The following GNAO1 variants were observed in gnomAD, a reference collection of about 807,000 sequenced individuals.
GNAO1 encodes the protein G protein subunit alpha o1.
For synonymous variants in GNAO1, 164 were observed against 180.7 expected (o/e 0.91, Z 0.74); for missense variants, 166 against 478.7 (o/e 0.35, Z 6.10).
At chr16:56,208,782 G>A (rs1408170372) in intron 2 of GNAO1, among the ~76,000 whole-genome samples, 1 of 152,066 alleles carries the variant, frequency 6.6e-6, no homozygotes. Flanking sequence ...TTCCTCTTTT[G>A]TGAGGTACCT....
intron 3 of GNAO1, among the ~76,000 whole-genome samples, chr16:56,282,851 G>A (rs1240841231): frequency 1.3e-5 from 2 of 152,224 alleles, no homozygotes; most frequent in African/African-American, 2.4e-5. Flanking sequence ...TAAGGAGCAA[G>A]CCTTTGTCTA....
chr16:56,194,254 G>A (rs1220823490), intron 2 of GNAO1: 1 of 456,624 alleles, frequency 2.2e-6, no homozygotes, highest in South Asian at 1.5e-5. Flanking sequence ...TTGAGCTTGT[G>A]CAACCCAAAT....
intron 2 of GNAO1, among the ~76,000 whole-genome samples, chr16:56,242,023 A>G (rs1373367221): frequency 6.6e-6 from 1 of 152,212 alleles, no homozygotes; most frequent in Non-Finnish European, 1.5e-5. Flanking sequence ...GTGCTGTGTC[A>G]TTCATTCATC....
chr16:56,305,324 C>A (rs2037383046), intron 3 of GNAO1, among the ~76,000 whole-genome samples: 1 of 152,196 alleles, frequency 6.6e-6, no homozygotes, highest in Non-Finnish European at 1.5e-5. Context: ...AGGAAACAAA[C>A]CTGTCTAATT....
At chr16:56,192,829 T>G (rs1826277818) in intron 2 of GNAO1, 1 of 562,144 alleles carries the variant, frequency 1.8e-6, no homozygotes, top group Non-Finnish European at 3.2e-6. Flanking sequence ...GGGTGTTTTT[T>G]GGGAGGGGGA....
At chr16:56,322,191 G>A (rs2037579870) in intron 3 of GNAO1, among the ~76,000 whole-genome samples, 1 of 152,134 alleles carries the variant, frequency 6.6e-6, no homozygotes, top group South Asian at 2.1e-4. Context: ...CATCTTGGGG[G>A]TTAGGATTTC....
At chr16:56,330,897 T>C (rs972169974) in intron 4 of GNAO1, among the ~76,000 whole-genome samples, 3 of 152,260 alleles carry the variant, frequency 2.0e-5, no homozygotes, top group Non-Finnish European at 4.4e-5. Flanking sequence ...CATTCTCTTC[T>C]GTCACTGTGG....
intron 3 of GNAO1, among the ~76,000 whole-genome samples, chr16:56,297,923 C>T (rs1255697801): frequency 6.6e-6 from 1 of 152,190 alleles, no homozygotes; most frequent in African/African-American, 2.4e-5. Context: ...AATCCCAGCA[C>T]TCTGGGAGGC....
chr16:56,218,528 G>A (rs996000986), intron 2 of GNAO1, among the ~76,000 whole-genome samples: 8 of 152,158 alleles, frequency 5.3e-5, no homozygotes, highest in African/African-American at 1.9e-4. Flanking sequence ...CGTGATACTT[G>A]GCTCGGTGGG....
At chr16:56,274,512 T>G (rs1350989140) in intron 2 of GNAO1, among the ~76,000 whole-genome samples, 4 of 151,948 alleles carry the variant, frequency 2.6e-5, no homozygotes, top group Non-Finnish European at 5.9e-5. Context: ...GCAGGAATCA[T>G]TATTGTACGT....
intron 2 of GNAO1, among the ~76,000 whole-genome samples, chr16:56,233,504 G>C (rs1299740932): frequency 3.3e-5 from 5 of 152,232 alleles, no homozygotes; most frequent in African/African-American, 4.8e-5. Flanking sequence ...TGTCCTCTCT[G>C]TGTATGAATG....
intron 2 of GNAO1, among the ~76,000 whole-genome samples, chr16:56,258,251 C>T (rs2036871079): frequency 1.3e-5 from 2 of 152,202 alleles, no homozygotes; most frequent in African/African-American, 4.8e-5. Flanking sequence ...TAGCTCCCAG[C>T]TCTGCTGCTT....
At chr16:56,238,906 A>AG (rs1389141474) in intron 2 of GNAO1, among the ~76,000 whole-genome samples, 1 of 152,262 alleles carries the variant, frequency 6.6e-6, no homozygotes, top group Admixed American at 6.5e-5. Flanking sequence ...TTTAAACAAA[A>AG]GCTAGTATCA....
chr16:56,329,324 G>GA (rs1309837984), intron 4 of GNAO1: 2 of 152,188 alleles, frequency 1.3e-5, no homozygotes, highest in Non-Finnish European at 2.9e-5. Flanking sequence ...AAATAAGGGG[G>GA]ATGACAGGAG....
chr16:56,233,943 G>A (rs911864630), intron 2 of GNAO1, among the ~76,000 whole-genome samples: 10 of 152,168 alleles, frequency 6.6e-5, no homozygotes, highest in African/African-American at 2.2e-4. Flanking sequence ...AAAATAAACA[G>A]CCCAGATGCT....
intron 2 of GNAO1, among the ~76,000 whole-genome samples, chr16:56,230,596 G>A (rs1487745778): frequency 1.3e-5 from 2 of 152,114 alleles, no homozygotes; most frequent in Non-Finnish European, 2.9e-5. Flanking sequence ...TGTGGTATGT[G>A]AAACGGACCA....
At chr16:56,266,975 G>T (rs553312946) in intron 2 of GNAO1, among the ~76,000 whole-genome samples, 2 of 152,272 alleles carry the variant, frequency 1.3e-5, no homozygotes, top group East Asian at 3.9e-4. Flanking sequence ...TGTCCACATC[G>T]TGTGCCCTCT....
At chr16:56,335,773 G>A (rs1596872141) in intron 5 of GNAO1, among the ~76,000 whole-genome samples, 1 of 152,362 alleles carries the variant, frequency 6.6e-6, no homozygotes, top group East Asian at 1.9e-4. Context: ...AGCCCAGCAA[G>A]GCGGGGTCTG....
At chr16:56,226,558 T>G (rs1352040284) in intron 2 of GNAO1, 2 of 152,190 alleles carry the variant, frequency 1.3e-5, no homozygotes, top group African/African-American at 4.8e-5. Context: ...TAGATGGGGA[T>G]GCCGTCTACT....
Sources: allele counts gnomAD v4.1 joint callset (sites outside exome capture counted in the v4.1 genomes callset), GRCh38; gene constraint gnomAD v4.1.1; transcripts MANE v1.5; gene names NCBI Gene and HGNC (gene_info 2026-07-23, HGNC 2026-07-21).